Variants in SLC19A3 observed in about 807,000 individuals in gnomAD.
The protein encoded by SLC19A3 is thiamine transporter 2.
A neutral mutation model predicts 40.2 loss-of-function variants in SLC19A3; 31 were observed. The observed-to-expected ratio is 0.77, with a 90% CI of 0.58 to 1.04. The LOEUF is 1.04. Among genes scored for constraint, SLC19A3 ranks in the 50% least tolerant of loss-of-function variants. SLC19A3 has a pLI of 0.00. For synonymous variants in SLC19A3, 212 were observed against 227.5 expected (o/e 0.93, Z 0.61); for missense variants, 592 against 596.7 (o/e 0.99, Z 0.08).
intron 1 of SLC19A3, among the ~76,000 whole-genome samples, chr2:227,716,545 C>T (rs1696342094): frequency 6.6e-6 from 1 of 152,114 alleles, no homozygotes; most frequent in South Asian, 2.1e-4. Flanking sequence ...AAGAATATAC[C>T]CCACACCTGA....
intron 1 of SLC19A3, among the ~76,000 whole-genome samples, chr2:227,716,747 T>C (rs185886238): frequency 3.3e-5 from 5 of 152,234 alleles, no homozygotes. Context: ...CCTGTGTGCA[T>C]GTTAAATAAA....
At chr2:227,713,401 TAAAAA>T (rs56014411) in intron 1 of SLC19A3, among the ~76,000 whole-genome samples, 16 of 110,540 alleles carry the variant, frequency 1.4e-4, no homozygotes, top group Non-Finnish European at 2.1e-4. Flanking sequence ...GACCCTGTTG[TAAAAA>T]AAAAAAAAAA....
chr2:227,688,339 A>G (rs775414809), intron 4 of SLC19A3, 32 bp from the exon 5 acceptor site: 7 of 1,600,556 alleles, frequency 4.4e-6, no homozygotes, highest in South Asian at 3.3e-5. Flanking sequence ...CATTTTAACT[A>G]TAATATACAT....
At chr2:227,707,000 G>A (rs2106337908) in intron 1 of SLC19A3, among the ~76,000 whole-genome samples, 1 of 152,296 alleles carries the variant, frequency 6.6e-6, no homozygotes, top group South Asian at 2.1e-4. Flanking sequence ...AGCAGATTGA[G>A]GAGGTGAACC....
At chr2:227,693,384 T>C (rs1695306744) in intron 4 of SLC19A3, among the ~76,000 whole-genome samples, 1 of 152,064 alleles carries the variant, frequency 6.6e-6, no homozygotes, top group Admixed American at 6.6e-5. Flanking sequence ...AGCAGACATG[T>C]AGACCAATGG....
intron 1 of SLC19A3, among the ~76,000 whole-genome samples, chr2:227,716,912 T>C (rs1236570314): frequency 6.6e-6 from 1 of 151,756 alleles, no homozygotes; most frequent in Non-Finnish European, 1.5e-5. Flanking sequence ...ATTTAATATA[T>C]GTGCCTCGAT....
intron 4 of SLC19A3, among the ~76,000 whole-genome samples, chr2:227,695,197 T>C (rs1475596966): frequency 1.3e-5 from 2 of 152,226 alleles, no homozygotes; most frequent in Non-Finnish European, 2.9e-5. Flanking sequence ...AGTATGTGCT[T>C]AGAATTTCTC....
chr2:227,717,023 G>T (rs1371636202), intron 1 of SLC19A3, among the ~76,000 whole-genome samples: 11 of 97,334 alleles, frequency 1.1e-4, no homozygotes, highest in East Asian at 6.4e-4. Context: ...TTTTTTTTGA[G>T]GCAGAATCTT....
chr2:227,706,546 G>A, intron 1 of SLC19A3: 4 of 999,848 alleles, frequency 4.0e-6, no homozygotes, highest in Non-Finnish European at 5.1e-6. Context: ...TGAGGCAGGT[G>A]GATCACCTGA....
chr2:227,696,246 C>T (rs752754699), intron 3 of SLC19A3, among the ~76,000 whole-genome samples, 165 bp from the exon 4 acceptor site: 2 of 152,184 alleles, frequency 1.3e-5, no homozygotes, highest in African/African-American at 4.8e-5. Context: ...TTTTCTCAAG[C>T]GTGTCTTCTT....
At chr2:227,698,080 A>G (rs1000676185) in intron 3 of SLC19A3, among the ~76,000 whole-genome samples, 3 of 152,184 alleles carry the variant, frequency 2.0e-5, no homozygotes, top group African/African-American at 7.2e-5. Context: ...TCTGTCTCAA[A>G]AAATAAAAAA....
At chr2:227,700,966 A>G (rs1049076708) in intron 2 of SLC19A3, 1 of 1,304,000 alleles carries the variant, frequency 7.7e-7, no homozygotes, top group African/African-American at 1.5e-5. Flanking sequence ...CACAGAGCAA[A>G]GACCACACAA....
At chr2:227,702,480 G>T in intron 1 of SLC19A3, 160 bp from the exon 2 acceptor site, 1 of 672,730 alleles carries the variant, frequency 1.5e-6, no homozygotes, top group Non-Finnish European at 2.5e-6. Context: ...TGCAACCTGT[G>T]CCTCCCGGGC....
chr2:227,698,909 A>G lies in SLC19A3; in HGVS notation c.806T>C (p.Leu269Ser). Residue 269 changes from leucine (L) to serine (S), a missense_variant, in exon 3 of 6, where the codon TTG becomes TCG. By Grantham distance (145) the Leu-to-Ser change is moderately radical. Transcript: ENST00000644224. Reference sequence around the variant, plus strand: ...ACGTTTTGAGGAGTAGCACTCCTTCAAATCTTGGAACCACTGCACAAAAAC... The same window carrying G: ...ACGTTTTGAGGAGTAGCACTCCTTCGAATCTTGGAACCACTGCACAAAAAC... ...VDVFVQWFQD[L>S]KECYSSKRLF... The G allele has an allele frequency of 6.2e-7, 1 of 1,614,052 alleles. No homozygotes were observed.
chr2:227,691,874 A>C (rs77321785), intron 4 of SLC19A3, among the ~76,000 whole-genome samples: 10,824 of 152,198 alleles, frequency 0.071, 1,075 homozygotes, highest in African/African-American at 0.23. Flanking sequence ...AAATAAAACT[A>C]GAGATGTAAA....
intron 1 of SLC19A3, among the ~76,000 whole-genome samples, chr2:227,708,115 G>A (rs1212993900): frequency 1.3e-5 from 2 of 152,024 alleles, no homozygotes; most frequent in African/African-American, 2.4e-5. Context: ...GGTACGTGGG[G>A]TGCCACAGCC....
rs34020562 is a variant in SLC19A3 at position 227,685,582 on chromosome 2, T to G, written c.*1815A>C. ...CCATATCAAAATCCAATTAAAAATT[T>G]TTTTGTTTGTTTTAGACACAGGGTC... On this transcript the variant is annotated 3_prime_UTR_variant, in exon 6 of 6. Transcript: ENST00000644224. 57,232 of 151,982 alleles carry G rather than the reference T, an allele frequency of 0.38. 11,628 individuals carry two copies. Among genetic ancestry groups the G allele is most frequent in the Non-Finnish European group, 0.46 (31,250 of 67,960 alleles). 9.4% of individuals were successfully genotyped at this position (151,982 alleles called of 1,614,324 possible). A position where few individuals can be genotyped will look rare whatever the true frequency, so the allele number is the denominator to read the frequency against.
intron 1 of SLC19A3, chr2:227,714,464 C>T (rs957522391): frequency 2.0e-6 from 2 of 985,130 alleles, no homozygotes; most frequent in African/African-American, 1.7e-5. Flanking sequence ...TTTTTCTGTG[C>T]CCCCAGTTTC....
chr2:227,685,990 A>G lies in SLC19A3; in HGVS notation c.*1407T>C. 1 of 240,362 alleles carries G rather than the reference A, an allele frequency of 4.2e-6. No homozygotes were observed. Among genetic ancestry groups the G allele is most frequent in the Non-Finnish European group, 8.7e-6 (1 of 115,596 alleles). The allele number at this position is 240,362 out of a possible 1,614,324, so 14.9% of individuals were successfully genotyped here. A position where few individuals can be genotyped will look rare whatever the true frequency, so the allele number is the denominator to read the frequency against. The stretch of plus-strand genomic sequence containing the variant: ...GGCAGACAGATCACCTGAAGTCAGG[A>G]GTTTGAGACCAGCCTGGCCAACATT... On this transcript the variant is annotated 3_prime_UTR_variant, in exon 6 of 6. Transcript: ENST00000644224.
Sources: allele counts gnomAD v4.1 joint callset (sites outside exome capture counted in the v4.1 genomes callset), GRCh38; gene constraint gnomAD v4.1.1; transcripts MANE v1.5; gene names NCBI Gene and HGNC (gene_info 2026-07-23, HGNC 2026-07-21).